UVSSA: variants seen among roughly 807,000 people sequenced by gnomAD.
UVSSA encodes the protein UV stimulated scaffold protein A, also known as UV-stimulated scaffold protein A.
UVSSA carries 72 observed loss-of-function variants against 73.9 expected under a neutral mutation model. That is an observed-to-expected ratio of 0.97 (90% CI 0.81 to 1.19). The LOEUF (loss-of-function observed/expected upper bound fraction) is 1.19. Ranked by LOEUF, UVSSA falls within the 50% of genes most tolerant of loss-of-function variation. UVSSA has a pLI of 0.00. For synonymous variants in UVSSA, 454 were observed against 391.3 expected, an observed-to-expected ratio of 1.16 and a Z score of -1.89; for missense variants, 1,150 against 965.0, an observed-to-expected ratio of 1.19 and a Z score of -2.54.
At chr4:1,365,180 G>T (rs1295594616) in intron 7 of UVSSA, among the ~76,000 whole-genome samples, 1 of 152,244 alleles carries the variant, frequency 6.6e-6, no homozygotes, top group Non-Finnish European at 1.5e-5. Flanking sequence ...AGCAGCTTTT[G>T]GGAAGAGAAA....
intron 2 of UVSSA, among the ~76,000 whole-genome samples, chr4:1,349,120 T>C (rs1714254920): frequency 1.6e-5 from 1 of 62,696 alleles, no homozygotes; most frequent in African/African-American, 6.1e-5. Context: ...AGGTAACGTG[T>C]GTTTAAAGAG....
Position 1,383,748 on chromosome 4 carries a change from C to T in UVSSA, c.1862-18C>T. The stretch of plus-strand genomic sequence containing the variant: ...TCAGTGCCAGACGTCTCCTGAAGTG[C>T]TTGAGTTTTGTTTGCAGAATGGCAG... On this transcript the variant is annotated intron_variant, in intron 12 of 13. Coordinates refer to ENST00000389851, the MANE Select transcript of UVSSA (RefSeq NM_020894.4). The T allele has an allele frequency of 6.2e-7, 1 of 1,612,656 alleles. No homozygotes were observed. Among genetic ancestry groups the T allele is most frequent in the South Asian group, 1.1e-5 (1 of 91,078 alleles).
At chr4:1,379,352 A>C (rs1719154879) in intron 10 of UVSSA, among the ~76,000 whole-genome samples, 1 of 152,158 alleles carries the variant, frequency 6.6e-6, no homozygotes, top group African/African-American at 2.4e-5. Flanking sequence ...CCAGGTGGGC[A>C]GGGGGTGGAG....
At chr4:1,392,468 A>G (rs991498234), downstream of UVSSA, 2 of 152,236 alleles carry the variant, frequency 1.3e-5, no homozygotes, top group Non-Finnish European at 2.9e-5. Flanking sequence ...CAGATCTTCT[A>G]GCAATGAATT....
Position 1,386,083 on chromosome 4 carries a change from G to T in UVSSA, c.*122G>T, listed in dbSNP as rs1237071449. The T allele has an allele frequency of 9.5e-7, 1 of 1,048,704 alleles. No individual in the cohort carries two copies. Among genetic ancestry groups the T allele is most frequent in the Non-Finnish European group, 1.4e-6 (1 of 697,572 alleles). The allele number at this position is 1,048,704 out of a possible 1,614,324, so 65.0% of individuals were successfully genotyped here. The stretch of plus-strand genomic sequence containing the variant: ...TGTCTATTACTGTGTTTGATGTAAA[G>T]AAATGGTGTGTTGCAATGCCCTGAA... On this transcript the variant is annotated 3_prime_UTR_variant, in exon 14 of 14. Coordinates refer to ENST00000389851, the MANE Select transcript of UVSSA (RefSeq NM_020894.4).
Position 1,348,129 on chromosome 4 carries a change from C to G in UVSSA, c.38C>G (p.Thr13Arg), listed in dbSNP as rs772561562. Residue 13 changes from threonine (T) to arginine (R), a missense_variant, in exon 2 of 14, where the codon ACA becomes AGA. Transcript: ENST00000389851. ...QKLSKLVEEL[T>R]TSGEPRLNPE... ...CTTTCGAAGTTGGTAGAAGAGCTCA[C>G]AACTTCAGGAGAACCCCGACTAAAT... 6.2e-7 allele frequency: 1 copy of G among 1,613,904 alleles called. No individual in the cohort carries two copies. The highest frequency in any genetic ancestry group is 1.1e-5 in the South Asian group (1 of 91,082).
At chr4:1,383,978 C>T (rs902938364) in intron 13 of UVSSA, 38 bp downstream of exon 13, 4 of 1,584,196 alleles carry the variant, frequency 2.5e-6, no homozygotes, top group East Asian at 2.3e-5. Flanking sequence ...ACCGCGTGGC[C>T]CCCCCGTGTG....
chr4:1,364,803 C>G (rs1230037190), intron 7 of UVSSA, among the ~76,000 whole-genome samples: 1 of 152,138 alleles, frequency 6.6e-6, no homozygotes, highest in East Asian at 1.9e-4. Flanking sequence ...CCTGGCCACC[C>G]TGGGGGCATG....
chr4:1,385,351 G>A (rs905767288), intron 13 of UVSSA: 14 of 158,512 alleles, frequency 8.8e-5, no homozygotes, highest in African/African-American at 2.2e-4. Context: ...CTCGTGGGTC[G>A]CAGCAGCTGA....
chr4:1,345,869 T>C (rs1028792665), upstream of UVSSA, among the ~76,000 whole-genome samples: 3 of 151,782 alleles, frequency 2.0e-5, no homozygotes, highest in Non-Finnish European at 2.9e-5. Context: ...TGAGAACTAG[T>C]AACAACAAAA....
At chr4:1,347,078 C>T (rs1161812311), upstream of UVSSA, among the ~76,000 whole-genome samples, 3 of 152,110 alleles carry the variant, frequency 2.0e-5, no homozygotes, top group African/African-American at 7.2e-5. Context: ...AAGGCCGCGT[C>T]GAGCGGTAGG....
intron 8 of UVSSA, among the ~76,000 whole-genome samples, chr4:1,369,385 G>A (rs1717745064): frequency 6.6e-6 from 1 of 152,250 alleles, no homozygotes; most frequent in Non-Finnish European, 1.5e-5. Context: ...GCGGGGACCA[G>A]GCGGGAAGCG....
chr4:1,357,781 T>C (rs1443529247), intron 7 of UVSSA, among the ~76,000 whole-genome samples: 1 of 152,246 alleles, frequency 6.6e-6, no homozygotes, highest in Non-Finnish European at 1.5e-5. Flanking sequence ...TGCAGGCTCC[T>C]GCTGGCCGTG....
intron 12 of UVSSA, among the ~76,000 whole-genome samples, chr4:1,383,304 C>T (rs1400743180): frequency 6.6e-6 from 1 of 152,256 alleles, no homozygotes; most frequent in Non-Finnish European, 1.5e-5. Context: ...ACACGTACCT[C>T]CCCACCAGCA....
At chr4:1,392,671 G>C (rs13114537), downstream of UVSSA, 46,791 of 152,092 alleles carry the variant, frequency 0.31, 8,188 homozygotes, top group Non-Finnish European at 0.4. Context: ...TTTAGCTTCT[G>C]ACTGTTTGAC....
chr4:1,352,916 C>T (rs755962949), intron 4 of UVSSA, 114 bp from the exon 5 acceptor site: 39 of 1,378,404 alleles, frequency 2.8e-5, no homozygotes, highest in Non-Finnish European at 3.7e-5. Flanking sequence ...CTGCATTCCA[C>T]CTGGTGCTGA....
Position 1,347,320 on chromosome 4 carries a change from G to C in UVSSA, c.-443G>C, listed in dbSNP as rs760530271. 8 of 152,002 alleles carry C rather than the reference G, an allele frequency of 5.3e-5. No homozygotes were observed. Among genetic ancestry groups the C allele is most frequent in the Non-Finnish European group, 1.2e-4 (8 of 68,008 alleles). The allele number at this position is 152,002 out of a possible 1,614,324, so 9.4% of individuals were successfully genotyped here. Reference sequence around the variant, plus strand: ...GGCGCCGGGCAGAGACCTGCGGCCAGGGCGTGTCCCGTGTGCCCGAGAGCG... The same window carrying C: ...GGCGCCGGGCAGAGACCTGCGGCCACGGCGTGTCCCGTGTGCCCGAGAGCG... On this transcript the variant is annotated 5_prime_UTR_variant, in exon 1 of 14. Coordinates refer to ENST00000389851, the MANE Select transcript of UVSSA (RefSeq NM_020894.4).
chr4:1,349,215 G>C (rs913785088), intron 2 of UVSSA, among the ~76,000 whole-genome samples: 1 of 152,122 alleles, frequency 6.6e-6, no homozygotes, highest in African/African-American at 2.4e-5. Flanking sequence ...GATGGGCGAC[G>C]TTCCAATGAC....
intron 7 of UVSSA, among the ~76,000 whole-genome samples, chr4:1,364,961 C>T (rs762513773): frequency 6.6e-6 from 1 of 152,172 alleles, no homozygotes; most frequent in Non-Finnish European, 1.5e-5. Context: ...GGATGGTGCG[C>T]CCTGGGGGCT....
Sources: allele counts gnomAD v4.1 joint callset (sites outside exome capture counted in the v4.1 genomes callset), GRCh38; gene constraint gnomAD v4.1.1; transcripts MANE v1.5; gene names NCBI Gene and HGNC (gene_info 2026-07-23, HGNC 2026-07-21).